CTTNBP2: variants seen among roughly 807,000 people sequenced by gnomAD.
CTTNBP2 encodes the protein cortactin-binding protein 2.
A neutral mutation model predicts 156.9 loss-of-function variants in CTTNBP2; 108 were observed. The observed-to-expected ratio is 0.69, with a 90% CI of 0.59 to 0.81. The LOEUF (loss-of-function observed/expected upper bound fraction) is 0.81. Ranked by LOEUF, CTTNBP2 falls within the 30% of genes least tolerant of loss-of-function variation. CTTNBP2 has a pLI of 0.00. For missense variants in CTTNBP2, 1,924 were observed against 2,035.4 expected (o/e 0.95, Z 1.05); for synonymous variants, 767 against 751.8 (o/e 1.02, Z -0.33).
At position 117,792,325 on chromosome 7, in the gene CTTNBP2, C is replaced by A; in HGVS notation, c.871G>T (p.Val291Phe). 1 of 1,614,184 alleles carries A rather than the reference C, an allele frequency of 6.2e-7. No homozygotes were observed. The highest frequency in any genetic ancestry group is 8.5e-7 in the Non-Finnish European group (1 of 1,180,028). ...LPRKTKDRRL[V>F]SISVGTEGTV... ...CCTTCTGTTCCCACAGATATGGAAACCAAACGCCTATCTTTTGTCTTCCGT... is the reference window on the plus strand; with the variant it reads ...CCTTCTGTTCCCACAGATATGGAAAACAAACGCCTATCTTTTGTCTTCCGT... Residue 291 changes from valine (V) to phenylalanine (F), a missense_variant, in exon 4 of 23, where the codon GTT (valine) becomes TTT (phenylalanine). Val to Phe is a conservative substitution (Grantham distance 50, BLOSUM62 -1). Coordinates refer to ENST00000160373, the MANE Select transcript of CTTNBP2 (RefSeq NM_033427.3). This position sits in a 1 kb window ranked among gnomAD's most constrained non-coding sequence, Gnocchi z 4.2.
intron 16 of CTTNBP2, among the ~76,000 whole-genome samples, chr7:117,729,345 A>G (rs923380187): frequency 1.3e-5 from 2 of 152,358 alleles, no homozygotes; most frequent in East Asian, 3.9e-4. Flanking sequence ...GTTATCGGAC[A>G]GTACATTAAA....
At chr7:117,783,246 A>T (rs1484509649) in intron 5 of CTTNBP2, among the ~76,000 whole-genome samples, 6 of 151,512 alleles carry the variant, frequency 4.0e-5, no homozygotes, top group Non-Finnish European at 7.4e-5. Flanking sequence ...GCTGCTGAGT[A>T]AAAAAAAATG....
At chr7:117,784,589 T>A in intron 4 of CTTNBP2, 135 bp from the exon 5 acceptor site, 1 of 557,120 alleles carries the variant, frequency 1.8e-6, no homozygotes, top group Non-Finnish European at 3.0e-6. Flanking sequence ...TCTAACATTA[T>A]CAATCTGTTA....
At chr7:117,782,705 C>T (rs1798497588) in intron 6 of CTTNBP2, among the ~76,000 whole-genome samples, 157 bp downstream of exon 6, 1 of 152,172 alleles carries the variant, frequency 6.6e-6, no homozygotes, top group East Asian at 1.9e-4. Flanking sequence ...AATTTAGAAT[C>T]CTAGTTTGCA....
At chr7:117,807,705 G>A (rs1800031986) in intron 3 of CTTNBP2, among the ~76,000 whole-genome samples, 1 of 152,178 alleles carries the variant, frequency 6.6e-6, no homozygotes, top group Admixed American at 6.5e-5. Context: ...CTCAGGATCT[G>A]GAGCAGTGAG....
chr7:117,779,680 G>A (rs752468941), intron 7 of CTTNBP2, among the ~76,000 whole-genome samples: 5 of 151,410 alleles, frequency 3.3e-5, no homozygotes, highest in Admixed American at 6.6e-5. Context: ...AAAAAAAGCT[G>A]TAGCAATGAG....
chr7:117,845,018 C>T (rs1451184262), intron 2 of CTTNBP2, among the ~76,000 whole-genome samples: 1 of 152,022 alleles, frequency 6.6e-6, no homozygotes, highest in Non-Finnish European at 1.5e-5. Flanking sequence ...CAAAAAGGAC[C>T]AACAGGAGGA....
At chr7:117,760,369 A>G in intron 10 of CTTNBP2, 66 bp downstream of exon 10, 1 of 1,496,482 alleles carries the variant, frequency 6.7e-7, no homozygotes, top group Non-Finnish European at 9.2e-7. Flanking sequence ...GAATCAGGTT[A>G]TGAAACCCAC....
In CTTNBP2 at chr7:117,792,781, G is replaced by T. The variant is rs534580580; in HGVS notation, c.415C>A (p.Leu139Met). 3.9e-6 allele frequency: 6 copies of T among 1,528,530 alleles called. No homozygotes were observed. In the South Asian group the frequency reaches 7.8e-5, roughly 20 times the overall value. The allele number at this position is 1,528,530 out of a possible 1,614,324, so 94.7% of individuals were successfully genotyped here. A position where few individuals can be genotyped will look rare whatever the true frequency, so the allele number is the denominator to read the frequency against. Residue 139 changes from leucine to methionine, a missense_variant and splice_region_variant, in exon 4 of 23, where the codon CTG becomes ATG. Physicochemically the swap from Leu to Met is conservative, Grantham distance 15. Coordinates refer to ENST00000160373, the MANE Select transcript of CTTNBP2 (RefSeq NM_033427.3). This position sits in a 1 kb window ranked among gnomAD's most constrained non-coding sequence, Gnocchi z 4.2. ...TGTAGCTGAAGCTTCTCCATTTCCA[G>T]CTGAAAGAAATTCACAGGAAAACCC... The part of the protein sequence containing the change: ...LAAAESRQKK[L>M]EMEKLQLQAL...
chr7:117,840,669 C>T (rs941121525), intron 2 of CTTNBP2, among the ~76,000 whole-genome samples: 1 of 152,224 alleles, frequency 6.6e-6, no homozygotes, highest in African/African-American at 2.4e-5. Flanking sequence ...AAGCATATAA[C>T]TATTATCTCT....
rs1799111041 is a variant in CTTNBP2 at position 117,792,872 on chromosome 7, T to A, written c.415-91A>T. 1 of 938,302 alleles carries A rather than the reference T, an allele frequency of 1.1e-6. No individual in the cohort carries two copies. The highest frequency in any genetic ancestry group is 1.5e-6 in the Non-Finnish European group (1 of 678,400). The allele number at this position is 938,302 out of a possible 1,614,324, so 58.1% of individuals were successfully genotyped here. ...TTTTGTGAGATTTTTATTAATTTTC[T>A]AACAATTACATAACTCGGGTTAGCA... On this transcript the variant is annotated intron_variant, in intron 3 of 22. Coordinates refer to ENST00000160373, the MANE Select transcript of CTTNBP2 (RefSeq NM_033427.3). This position sits in a 1 kb window ranked among gnomAD's most constrained non-coding sequence, Gnocchi z 4.2.
At chr7:117,829,328 A>G (rs1801471595) in intron 2 of CTTNBP2, among the ~76,000 whole-genome samples, 1 of 152,194 alleles carries the variant, frequency 6.6e-6, no homozygotes, top group Non-Finnish European at 1.5e-5. Context: ...GGATGGCAAA[A>G]ATAATAAAGT....
At chr7:117,806,752 T>TTTG in intron 3 of CTTNBP2, among the ~76,000 whole-genome samples, 1 of 147,108 alleles carries the variant, frequency 6.8e-6, no homozygotes, top group African/African-American at 2.5e-5. Context: ...TCATTTTTTT[T>TTTG]TTTTTTTTTT....
intron 2 of CTTNBP2, among the ~76,000 whole-genome samples, chr7:117,842,867 G>A (rs994731298): frequency 1.3e-5 from 2 of 152,170 alleles, no homozygotes; most frequent in African/African-American, 2.4e-5. Flanking sequence ...TACTTATTGA[G>A]CCAGGTATGA....
chr7:117,750,970 T>C (rs1003693878), intron 12 of CTTNBP2, among the ~76,000 whole-genome samples: 2 of 152,236 alleles, frequency 1.3e-5, no homozygotes, highest in African/African-American at 2.4e-5. Flanking sequence ...TAGTGTGACA[T>C]TTCTGCTTAT....
intron 2 of CTTNBP2, among the ~76,000 whole-genome samples, chr7:117,824,639 C>T (rs886870689): frequency 6.6e-6 from 1 of 152,160 alleles, no homozygotes; most frequent in South Asian, 2.1e-4. Context: ...AGGGACTTGC[C>T]CACAGCTGCA....
chr7:117,815,413 ATAATG>A (rs1800519872), intron 2 of CTTNBP2, among the ~76,000 whole-genome samples: 1 of 152,252 alleles, frequency 6.6e-6, no homozygotes. Flanking sequence ...TTGGAATAAT[ATAATG>A]TATTTTTAAA....
At chr7:117,827,304 TA>T in intron 2 of CTTNBP2, among the ~76,000 whole-genome samples, 1 of 152,336 alleles carries the variant, frequency 6.6e-6, no homozygotes. Context: ...GTGCAGGATT[TA>T]GCAGGTACTG....
At chr7:117,712,995 C>T (rs769036487) in intron 22 of CTTNBP2, among the ~76,000 whole-genome samples, 1 of 152,196 alleles carries the variant, frequency 6.6e-6, no homozygotes, top group Non-Finnish European at 1.5e-5. Flanking sequence ...AGTATTACCA[C>T]CTGAGCTCCG....
Sources: gnomAD v4.1 joint callset for allele counts (sites outside exome capture counted in the v4.1 genomes callset) on GRCh38, gnomAD v4.1.1 for gene constraint, Gnocchi (gnomAD v3.1) non-coding constraint, MANE v1.5 for transcripts, NCBI Gene and HGNC (gene_info 2026-07-23, HGNC 2026-07-21) for gene names.